Variants in ADK observed in about 807,000 individuals in gnomAD.
ADK encodes the protein adenosine kinase.
A neutral mutation model predicts 44.7 loss-of-function variants in ADK; 24 were observed. The ratio of observed to expected loss-of-function variants is 0.54; its 90% CI spans 0.39 to 0.76. The LOEUF is 0.76. ADK is among the 30% of genes least tolerant of loss of function. ADK has a pLI of 0.00. For synonymous variants in ADK, 128 were observed against 142.6 expected (o/e 0.90, Z 0.73); for missense variants, 321 against 425.1 (o/e 0.76, Z 2.15).
intron 10 of ADK, among the ~76,000 whole-genome samples, chr10:74,682,606 C>G (rs1227290885): frequency 7.0e-6 from 1 of 142,462 alleles, no homozygotes; most frequent in African/African-American, 2.7e-5. Context: ...CGGAGTCTAG[C>G]TGTGTCGCCC....
At chr10:74,176,672 C>G (rs1274032922) in intron 1 of ADK, 1 of 1,430,622 alleles carries the variant, frequency 7.0e-7, no homozygotes, top group Non-Finnish European at 9.1e-7. Flanking sequence ...GCCCTTCGCA[C>G]GGGGCGGAGC....
intron 2 of ADK, among the ~76,000 whole-genome samples, chr10:74,211,721 T>C (rs911836791): frequency 1.1e-4 from 16 of 152,218 alleles, no homozygotes; most frequent in African/African-American, 3.6e-4. Flanking sequence ...GAAGTGTGGC[T>C]AGTGCAACTG....
At chr10:74,396,631 A>G (rs1272687271) in intron 5 of ADK, among the ~76,000 whole-genome samples, 1 of 152,194 alleles carries the variant, frequency 6.6e-6, no homozygotes, top group East Asian at 1.9e-4. Flanking sequence ...TCAAAGTCAG[A>G]ATCAAATACG....
chr10:74,183,656 G>A (rs1842640385), intron 1 of ADK, among the ~76,000 whole-genome samples: 1 of 151,428 alleles, frequency 6.6e-6, no homozygotes, highest in African/African-American at 2.4e-5. Flanking sequence ...GATTACAAGC[G>A]TGTGCCACCA....
At chr10:74,168,292 C>T (rs1408161576) in intron 1 of ADK, among the ~76,000 whole-genome samples, 1 of 152,056 alleles carries the variant, frequency 6.6e-6, no homozygotes, top group Non-Finnish European at 1.5e-5. Context: ...GTAATCCCAG[C>T]ACTTTGGGAG....
intron 3 of ADK, among the ~76,000 whole-genome samples, chr10:74,283,781 C>T (rs1046024575): frequency 1.5e-4 from 22 of 145,450 alleles, no homozygotes; most frequent in Non-Finnish European, 3.0e-4. Context: ...CCTGAGTTCA[C>T]GCCATTCTCC....
intron 6 of ADK, among the ~76,000 whole-genome samples, chr10:74,426,653 G>A (rs1844806780): frequency 6.6e-6 from 1 of 151,930 alleles, no homozygotes; most frequent in African/African-American, 2.4e-5. Context: ...TGGATATTGG[G>A]GTATACTTTC....
intron 10 of ADK, among the ~76,000 whole-genome samples, chr10:74,677,508 T>G (rs1242057458): frequency 6.6e-6 from 1 of 152,192 alleles, no homozygotes; most frequent in Non-Finnish European, 1.5e-5. Flanking sequence ...ATAGAAGTGG[T>G]GCAGAATTCT....
chr10:74,324,274 C>T (rs143432639), intron 4 of ADK, among the ~76,000 whole-genome samples: 6,837 of 152,168 alleles, frequency 0.045, 538 homozygotes, highest in African/African-American at 0.16. Flanking sequence ...AAGCAACCCT[C>T]CTGCCTCTGC....
intron 7 of ADK, among the ~76,000 whole-genome samples, chr10:74,539,935 C>G (rs539237195): frequency 6.6e-6 from 1 of 152,304 alleles, no homozygotes; most frequent in African/African-American, 2.4e-5. Flanking sequence ...TAAAGATGTG[C>G]TATGGGAAAG....
intron 4 of ADK, among the ~76,000 whole-genome samples, chr10:74,376,928 A>T (rs1290786330): frequency 6.6e-6 from 1 of 152,088 alleles, no homozygotes; most frequent in Non-Finnish European, 1.5e-5. Context: ...GGTTAAACTC[A>T]GGTTTTATTT....
At chr10:74,377,020 A>G (rs1419546334) in intron 4 of ADK, among the ~76,000 whole-genome samples, 1 of 152,168 alleles carries the variant, frequency 6.6e-6, no homozygotes, top group African/African-American at 2.4e-5. Flanking sequence ...TGGTGGTTCC[A>G]CTTTTAATGA....
At position 74,670,186 on chromosome 10, in the gene ADK, G is replaced by C; in HGVS notation, c.881G>C (p.Ser294Thr). 1 of 1,613,678 alleles carries C rather than the reference G, an allele frequency of 6.2e-7. No individual in the cohort carries two copies. Among genetic ancestry groups the C allele is most frequent in the Non-Finnish European group, 8.5e-7 (1 of 1,179,700 alleles). ...GRDDTIMATE[S>T]EVTAFAVLDQ... is the part of the protein sequence containing the mutation. ...CTTTCTTTGGCTCTAATTGCAGAAAGTGAAGTCACTGCTTTTGCTGTCTTG... is the reference window on the plus strand; with the variant it reads ...CTTTCTTTGGCTCTAATTGCAGAAACTGAAGTCACTGCTTTTGCTGTCTTG... The change falls in exon 10 of 11, where the codon AGT becomes ACT. Residue 294 changes from serine to threonine, a missense_variant. Physicochemically the swap from Ser to Thr is moderately conservative, Grantham distance 58. Transcript: ENST00000539909.
intron 10 of ADK, among the ~76,000 whole-genome samples, chr10:74,673,107 A>T (rs767936922): frequency 5.1e-4 from 77 of 152,324 alleles, no homozygotes; most frequent in Non-Finnish European, 9.4e-4. Context: ...ATTGAAAAGG[A>T]TCTGTTGTAA....
chr10:74,411,782 A>G (rs543963322), intron 6 of ADK, among the ~76,000 whole-genome samples: 1 of 152,276 alleles, frequency 6.6e-6, no homozygotes, highest in Admixed American at 6.5e-5. Flanking sequence ...GTTTGATAGC[A>G]TTTACCTACA....
At chr10:74,432,505 G>T (rs1004130104) in intron 6 of ADK, among the ~76,000 whole-genome samples, 1 of 152,140 alleles carries the variant, frequency 6.6e-6, no homozygotes, top group Non-Finnish European at 1.5e-5. Flanking sequence ...GTTTAGGAAT[G>T]TATCATTTAT....
intron 3 of ADK, among the ~76,000 whole-genome samples, chr10:74,243,384 A>G (rs1845299803): frequency 6.6e-6 from 1 of 152,160 alleles, no homozygotes; most frequent in Admixed American, 6.5e-5. Context: ...ATCCTGCATC[A>G]CTGATATGAA....
At chr10:74,591,972 C>T (rs1399840598) in intron 8 of ADK, among the ~76,000 whole-genome samples, 2 of 151,628 alleles carry the variant, frequency 1.3e-5, no homozygotes, top group Non-Finnish European at 2.9e-5. Context: ...GAAATATTCT[C>T]AGTGGCATTT....
chr10:74,497,257 G>A (rs1847725470), intron 6 of ADK, among the ~76,000 whole-genome samples: 1 of 152,260 alleles, frequency 6.6e-6, no homozygotes, highest in Non-Finnish European at 1.5e-5. Flanking sequence ...ACACTGGGAT[G>A]TGGTACTTTT....
Sources: gnomAD v4.1 joint callset for allele counts (sites outside exome capture counted in the v4.1 genomes callset) on GRCh38, gnomAD v4.1.1 for gene constraint, MANE v1.5 for transcripts, NCBI Gene and HGNC (gene_info 2026-07-23, HGNC 2026-07-21) for gene names.